The following GRIA3 variants were observed in gnomAD, a reference collection of about 807,000 sequenced individuals.
GRIA3 encodes the protein glutamate receptor 3.
Under a neutral mutation model 63.0 loss-of-function variants are expected in GRIA3, and 3 were observed. The observed-to-expected ratio is 0.05, with a 90% CI of 0.02 to 0.12. The LOEUF (loss-of-function observed/expected upper bound fraction) is 0.12. Ranked by LOEUF, GRIA3 falls within the 10% of genes least tolerant of loss-of-function variation. The pLI is 1.00. For missense variants in GRIA3, 347 were observed against 700.9 expected, an observed-to-expected ratio of 0.50 and a Z score of 5.70; for synonymous variants, 274 against 257.9, an observed-to-expected ratio of 1.06 and a Z score of -0.60.
At chrX:123,334,189 A>G (rs1225787423) in intron 4 of GRIA3, among the ~76,000 whole-genome samples, 2 of 111,886 alleles carry the variant, frequency 1.8e-5, no homozygotes, top group African/African-American at 6.5e-5. Flanking sequence ...TTAGGCCCTA[A>G]GCAAGCGAGA....
intron 5 of GRIA3, among the ~76,000 whole-genome samples, chrX:123,355,976 G>C (rs2147350840): frequency 8.9e-6 from 1 of 112,059 alleles, no homozygotes; most frequent in East Asian, 2.8e-4. Flanking sequence ...CAAATGTAGT[G>C]TGCATTTTTC....
In GRIA3 at chrX:123,265,026, CAACT is replaced by C. The variant is rs200813727; in HGVS notation, c.508+11488_508+11491del. ...TGACAGAGTGGACTCCATCATTCTG[CAACT>C]AACAATTCCTGAGTGCAGGAATTTT... is the stretch of plus-strand genomic sequence containing the variant. On this transcript the variant is annotated intron_variant, in intron 3 of 15. Transcript: ENST00000620443. Among the ~76,000 whole-genome samples the C allele has an allele frequency of 3.1e-3, 343 of 111,624 alleles. 10 individuals are homozygous for C. In the East Asian group the frequency reaches 0.045, roughly 15 times the overall value.
chrX:123,218,532 T>C (rs777361660), intron 2 of GRIA3, among the ~76,000 whole-genome samples: 2 of 111,431 alleles, frequency 1.8e-5, no homozygotes, highest in East Asian at 5.6e-4. Flanking sequence ...CGATCTCGGC[T>C]CACTGCAAGC....
At chrX:123,422,568 G>A (rs1420595886) in intron 11 of GRIA3, among the ~76,000 whole-genome samples, 1 of 111,964 alleles carries the variant, frequency 8.9e-6, no homozygotes. Context: ...TAGTGGTTAA[G>A]CACGTGGGCA....
intron 11 of GRIA3, among the ~76,000 whole-genome samples, chrX:123,426,733 A>G (rs888035919): frequency 4.4e-4 from 50 of 112,378 alleles, no homozygotes; most frequent in African/African-American, 1.6e-3. Flanking sequence ...ATGCACAGTA[A>G]CATTTAAGAA....
chrX:123,265,457 G>A (rs984236922), intron 3 of GRIA3, among the ~76,000 whole-genome samples: 8 of 112,042 alleles, frequency 7.1e-5, no homozygotes, highest in African/African-American at 2.6e-4. Flanking sequence ...ATGTCATTAA[G>A]AAAATCATAA....
intron 12 of GRIA3, among the ~76,000 whole-genome samples, chrX:123,462,029 GTGGAGA>G (rs1008340285): frequency 9.0e-6 from 1 of 111,404 alleles, no homozygotes; most frequent in Non-Finnish European, 1.9e-5. Context: ...GGACCATCAG[GTGGAGA>G]TGTCCATCAT....
chrX:123,211,585 A>G (rs16997166), intron 2 of GRIA3, among the ~76,000 whole-genome samples: 4,070 of 111,394 alleles, frequency 0.037, 199 homozygotes, highest in African/African-American at 0.13. Flanking sequence ...GAATATATGA[A>G]TTTGAAAGAC....
At chrX:123,464,780 C>T in intron 12 of GRIA3, 85 bp from the exon 13 acceptor site, 1 of 851,807 alleles carries the variant, frequency 1.2e-6, no homozygotes, top group South Asian at 2.2e-5. Context: ...CTGTGGATTG[C>T]AATTAAAAAA....
intron 13 of GRIA3, chrX:123,465,919 C>A (rs2045831158): frequency 1.8e-6 from 1 of 567,478 alleles, no homozygotes; most frequent in South Asian, 2.5e-5. Flanking sequence ...CCCTGCCTGG[C>A]AGCTTTGGGA....
intron 5 of GRIA3, among the ~76,000 whole-genome samples, chrX:123,373,402 A>C (rs1291695743): frequency 9.0e-6 from 1 of 111,588 alleles, no homozygotes; most frequent in Non-Finnish European, 1.9e-5. Context: ...GGCTGGGTCA[A>C]ATGGTATTTC....
chrX:123,444,975 A>G (rs113581309), intron 12 of GRIA3, among the ~76,000 whole-genome samples: 2,124 of 111,089 alleles, frequency 0.019, 61 homozygotes, highest in African/African-American at 0.065. Flanking sequence ...CCAATTCTCA[A>G]GCAGGAGAGA....
At chrX:123,279,076 A>G (rs2044570976) in intron 3 of GRIA3, among the ~76,000 whole-genome samples, 1 of 111,821 alleles carries the variant, frequency 8.9e-6, no homozygotes, top group Admixed American at 9.6e-5. Flanking sequence ...ATTCCTATTT[A>G]TTTGTGTCTT....
At position 123,204,525 on chromosome X, in the gene GRIA3, T is replaced by C. The variant is rs776520012; in HGVS notation, c.268+18535T>C. 2.8e-4 allele frequency: 323 copies of C among 1,163,265 alleles called. 1 individual carries two copies. The African/African-American group carries it at 5.5e-3, about 20-fold the overall frequency. ...AAGAAAGAAGTTCAGCCTGGGTGTG[T>C]GAAGCTGTAAAGTTGCAGGTTGAAC... On this transcript the variant is annotated intron_variant, in intron 2 of 15. Coordinates refer to ENST00000620443, the MANE Select transcript of GRIA3 (RefSeq NM_007325.5).
At chrX:123,248,759 C>A (rs993826741) in intron 2 of GRIA3, among the ~76,000 whole-genome samples, 14 of 111,150 alleles carry the variant, frequency 1.3e-4, no homozygotes, top group Non-Finnish European at 9.4e-5. Context: ...GCACTCCAGC[C>A]TGGGCGACAA....
intron 3 of GRIA3, among the ~76,000 whole-genome samples, chrX:123,271,210 T>C (rs755058162): frequency 8.9e-6 from 1 of 112,025 alleles, no homozygotes; most frequent in Non-Finnish European, 1.9e-5. Flanking sequence ...TGTCATCTAA[T>C]ATGAATCTGA....
Position 123,304,604 on chromosome X carries a change from G to A in GRIA3, c.509-21422G>A, listed in dbSNP as rs183151536. ...CTAGCCCAAGTTGACTAAGCACAGA[G>A]GTTTTGCGGATCCCATCTGTAAAGG... is the stretch of plus-strand genomic sequence containing the variant. On this transcript the variant is annotated intron_variant, in intron 3 of 15. Transcript: ENST00000620443. Among the ~76,000 whole-genome samples the A allele has an allele frequency of 1.5e-3, 167 of 111,810 alleles. 1 individual carries two copies. The highest frequency in any genetic ancestry group is 4.9e-3 in the African/African-American group (152 of 30,815).
intron 12 of GRIA3, among the ~76,000 whole-genome samples, chrX:123,443,017 A>C (rs1472145273): frequency 9.1e-6 from 1 of 110,234 alleles, no homozygotes; most frequent in Non-Finnish European, 1.9e-5. Context: ...TCAGGGATTG[A>C]GAAAAAGGAA....
chrX:123,196,882 T>C (rs1927588988), intron 2 of GRIA3, among the ~76,000 whole-genome samples: 1 of 112,226 alleles, frequency 8.9e-6, no homozygotes, highest in Non-Finnish European at 1.9e-5. Context: ...TCCTGGTCTA[T>C]GTATTTCCAA....
Sources: gnomAD v4.1 joint callset for allele counts (sites outside exome capture counted in the v4.1 genomes callset) on GRCh38, gnomAD v4.1.1 for gene constraint, MANE v1.5 for transcripts, NCBI Gene and HGNC (gene_info 2026-07-23, HGNC 2026-07-21) for gene names.